The following DCLK1 variants were observed in gnomAD, a reference collection of about 807,000 sequenced individuals.
DCLK1 encodes the protein doublecortin like kinase 1, also known as serine/threonine-protein kinase DCLK1.
DCLK1 carries 16 observed loss-of-function variants against 86.2 expected under a neutral mutation model. The ratio of observed to expected loss-of-function variants is 0.19; its 90% CI spans 0.13 to 0.28. DCLK1 has a LOEUF of 0.28. Among genes scored for constraint, DCLK1 ranks in the 10% least tolerant of loss-of-function variants. The pLI, the probability that DCLK1 is intolerant of heterozygous loss-of-function variation, is 1.00. For missense variants in DCLK1, 590 were observed against 940.2 expected (o/e 0.63, Z 4.87); for synonymous variants, 369 against 370.5 (o/e 1.00, Z 0.05).
intron 3 of DCLK1, among the ~76,000 whole-genome samples, chr13:35,957,077 T>G (rs1002101907): frequency 2.6e-5 from 4 of 152,166 alleles, no homozygotes; most frequent in African/African-American, 9.6e-5. Flanking sequence ...GAAATGATGC[T>G]CTGAGATTCT....
At chr13:35,830,761 A>T (rs1166860012) in intron 8 of DCLK1, among the ~76,000 whole-genome samples, 1 of 152,138 alleles carries the variant, frequency 6.6e-6, no homozygotes, top group East Asian at 1.9e-4. Context: ...GCAAGAAGGG[A>T]TGTTTGTGAG....
At chr13:35,884,211 A>C (rs1462026244) in intron 4 of DCLK1, among the ~76,000 whole-genome samples, 3 of 152,224 alleles carry the variant, frequency 2.0e-5, no homozygotes, top group Non-Finnish European at 2.9e-5. Context: ...GGAAAAAAAA[A>C]AGACTAAACT....
At chr13:35,850,583 T>C in intron 6 of DCLK1, 12 of 1,273,270 alleles carry the variant, frequency 9.4e-6, no homozygotes, top group Non-Finnish European at 1.1e-5. Context: ...GCATACATAT[T>C]TACTTTTGGA....
At chr13:35,779,160 T>C (rs764565466) in intron 16 of DCLK1, among the ~76,000 whole-genome samples, 1 of 152,084 alleles carries the variant, frequency 6.6e-6, no homozygotes, top group Non-Finnish European at 1.5e-5. Flanking sequence ...ATTTTCAGTA[T>C]AGACAGGGGT....
intron 4 of DCLK1, among the ~76,000 whole-genome samples, chr13:35,923,553 A>G (rs1875931210): frequency 6.6e-6 from 1 of 151,966 alleles, no homozygotes; most frequent in African/African-American, 2.4e-5. Flanking sequence ...AGGCTATGGG[A>G]CAAATGATAA....
chr13:35,852,880 G>A (rs573925906), intron 6 of DCLK1, among the ~76,000 whole-genome samples: 14 of 152,274 alleles, frequency 9.2e-5, no homozygotes, highest in African/African-American at 2.6e-4. Context: ...AAGCATAAAC[G>A]ACACCAATAA....
chr13:35,820,074 T>C (rs549502630), intron 11 of DCLK1, among the ~76,000 whole-genome samples: 1 of 152,336 alleles, frequency 6.6e-6, no homozygotes, highest in Admixed American at 6.5e-5. Flanking sequence ...GATGGTTCTC[T>C]TATTTCCACA....
In DCLK1 at chr13:35,880,571, A is replaced by G. The variant is rs1872828869; in HGVS notation, c.824-9231T>C. ...AACCTTAGTCATTAAGCCTGGCAGT[A>G]TTGCCTCAAAAACACAAACATGTAC... On this transcript the variant is annotated intron_variant, in intron 4 of 16. Transcript: ENST00000360631. 7.2e-5 allele frequency among the ~76,000 whole-genome samples: 11 copies of G among 152,190 alleles called. No homozygotes were observed. The South Asian group carries it at 2.3e-3, about 32-fold the overall frequency.
In DCLK1 at chr13:36,089,802, T is replaced by C. The variant is rs1884750835; in HGVS notation, c.723+22067A>G. Among the ~76,000 whole-genome samples, 3 of 152,116 alleles carry C rather than the reference T, an allele frequency of 2.0e-5. No individual in the cohort carries two copies. The East Asian group carries it at 5.8e-4, about 29-fold the overall frequency. ...AATCTTGTTTCCTTTGGTACAAGAGTGGCTCCAACAATAGCTAATGCGAAG... is the reference window on the plus strand; with the variant it reads ...AATCTTGTTTCCTTTGGTACAAGAGCGGCTCCAACAATAGCTAATGCGAAG... On this transcript the variant is annotated intron_variant, in intron 3 of 16. Transcript: ENST00000360631.
At chr13:35,870,592 C>A (rs1364379881) in intron 5 of DCLK1, among the ~76,000 whole-genome samples, 1 of 152,146 alleles carries the variant, frequency 6.6e-6, no homozygotes, top group Non-Finnish European at 1.5e-5. Context: ...ACAATAGAGA[C>A]CCTTCACCTG....
At chr13:36,104,236 G>A (rs191316591) in intron 3 of DCLK1, among the ~76,000 whole-genome samples, 2 of 152,260 alleles carry the variant, frequency 1.3e-5, no homozygotes, top group Admixed American at 6.5e-5. Context: ...CTGAATACTG[G>A]AGCCATATGC....
intron 12 of DCLK1, among the ~76,000 whole-genome samples, 176 bp from the exon 13 acceptor site, chr13:35,809,271 T>TA (rs1212532654): frequency 3.3e-5 from 5 of 152,078 alleles, no homozygotes; most frequent in African/African-American, 1.2e-4. Context: ...AGAAAAAGTT[T>TA]AAAAAATAAT....
rs2086388884 is a variant in DCLK1, at chr13:35,774,533, T to C, written c.*2A>G. 6.4e-7 allele frequency: 1 copy of C among 1,551,760 alleles called. No individual in the cohort carries two copies. Among genetic ancestry groups the C allele is most frequent in the Non-Finnish European group, 8.7e-7 (1 of 1,147,082 alleles). On this transcript the variant is annotated 3_prime_UTR_variant, in exon 17 of 17. Coordinates refer to ENST00000360631, the MANE Select transcript of DCLK1 (RefSeq NM_001330071.2). ...GCTAGGACTTTGAGTAAAAGGGTCT[T>C]ATTAAAAGGGCGAGTTAGGGGAGCG...
chr13:35,794,302 A>G (rs1372341522), intron 15 of DCLK1, among the ~76,000 whole-genome samples: 5 of 152,008 alleles, frequency 3.3e-5, no homozygotes, highest in African/African-American at 1.2e-4. Flanking sequence ...GCCTTGGCAC[A>G]TATTAGATGC....
At chr13:36,114,778 A>G (rs559380266) in intron 2 of DCLK1, among the ~76,000 whole-genome samples, 1 of 152,334 alleles carries the variant, frequency 6.6e-6, no homozygotes, top group South Asian at 2.1e-4. Flanking sequence ...ATAGCTTTTC[A>G]ATTCATGGGC....
At chr13:35,979,568 A>G (rs543474939) in intron 3 of DCLK1, among the ~76,000 whole-genome samples, 19 of 152,150 alleles carry the variant, frequency 1.2e-4, no homozygotes, top group Non-Finnish European at 1.9e-4. Context: ...GACTCATAGC[A>G]TTTTTGGCTA....
intron 3 of DCLK1, among the ~76,000 whole-genome samples, chr13:35,963,123 C>T (rs959668401): frequency 5.0e-4 from 76 of 152,208 alleles, no homozygotes; most frequent in African/African-American, 1.7e-3. Flanking sequence ...CTCTGTAAAT[C>T]ACTCACAGTG....
At chr13:35,869,864 T>TA (rs1312742777) in intron 5 of DCLK1, among the ~76,000 whole-genome samples, 2 of 152,180 alleles carry the variant, frequency 1.3e-5, no homozygotes, top group Non-Finnish European at 2.9e-5. Context: ...TACCCGATCC[T>TA]AATCACCTGG....
At chr13:35,798,294 T>C (rs2086852733) in intron 15 of DCLK1, among the ~76,000 whole-genome samples, 2 of 152,160 alleles carry the variant, frequency 1.3e-5, no homozygotes, top group South Asian at 2.1e-4. Context: ...GGGAAACCAT[T>C]TCAGGCGTCA....
Sources: gnomAD v4.1 joint callset for allele counts (sites outside exome capture counted in the v4.1 genomes callset) on GRCh38, gnomAD v4.1.1 for gene constraint, MANE v1.5 for transcripts, NCBI Gene and HGNC (gene_info 2026-07-23, HGNC 2026-07-21) for gene names.